The following ENTREP2 variants were observed in gnomAD, a reference collection of about 807,000 sequenced individuals.
The protein encoded by ENTREP2 is protein ENTREP2.
chr15:29,129,689 A>C, the ENTREP2 span, among the ~76,000 whole-genome samples: 1 of 152,018 alleles, frequency 6.6e-6, no homozygotes, highest in Non-Finnish European at 1.5e-5. Flanking sequence ...TTCCGCCTGG[A>C]GAGGCCTCAG....
At chr15:29,129,864 A>G in the ENTREP2 span, among the ~76,000 whole-genome samples, 1 of 152,184 alleles carries the variant, frequency 6.6e-6, no homozygotes, top group South Asian at 2.1e-4. Flanking sequence ...CATGCACCCC[A>G]TGCTACCTCA....
At chr15:29,465,726 T>C in the ENTREP2 span, among the ~76,000 whole-genome samples, 3 of 152,208 alleles carry the variant, frequency 2.0e-5, no homozygotes, top group Non-Finnish European at 2.9e-5. Flanking sequence ...ATTAGTTCTT[T>C]GGGATGACAG....
At chr15:29,668,020 C>T in the ENTREP2 span, among the ~76,000 whole-genome samples, 1 of 152,078 alleles carries the variant, frequency 6.6e-6, no homozygotes, top group Admixed American at 6.6e-5. Context: ...AGAGAAGACA[C>T]CCATTGCTCC....
the ENTREP2 span, among the ~76,000 whole-genome samples, chr15:29,275,969 G>A: frequency 1.3e-5 from 2 of 152,176 alleles, no homozygotes; most frequent in East Asian, 3.9e-4. Flanking sequence ...TAGACAGCAG[G>A]AAAAGCAATC....
chr15:29,133,723 G>A, the ENTREP2 span, among the ~76,000 whole-genome samples: 1 of 152,172 alleles, frequency 6.6e-6, no homozygotes, highest in African/African-American at 2.4e-5. Context: ...CTGCAATGGT[G>A]TCATTCTGTG....
At chr15:29,431,518 T>TTA in the ENTREP2 span, among the ~76,000 whole-genome samples, 1 of 152,028 alleles carries the variant, frequency 6.6e-6, no homozygotes, top group Non-Finnish European at 1.5e-5. Context: ...AGACATGCTT[T>TTA]TAGCAAAAAT....
the ENTREP2 span, chr15:29,611,161 G>A: frequency 1.3e-5 from 2 of 152,074 alleles, no homozygotes; most frequent in African/African-American, 4.8e-5. Flanking sequence ...CACTTCCTGG[G>A]GCTTCTTCTG....
the ENTREP2 span, among the ~76,000 whole-genome samples, chr15:29,439,453 A>G: frequency 1.4e-4 from 22 of 152,312 alleles, no homozygotes; most frequent in East Asian, 1.9e-3. Flanking sequence ...ATAAATAGAC[A>G]GGAGTCCATA....
the ENTREP2 span, among the ~76,000 whole-genome samples, chr15:29,644,142 T>C: frequency 6.6e-6 from 1 of 152,162 alleles, no homozygotes; most frequent in Non-Finnish European, 1.5e-5. Context: ...TCAGCAGGAA[T>C]GAACCCTGGA....
At chr15:29,131,753 A>G in the ENTREP2 span, among the ~76,000 whole-genome samples, 18 of 138,642 alleles carry the variant, frequency 1.3e-4, no homozygotes, top group East Asian at 6.5e-4. Context: ...GTGCCACGAC[A>G]GGGGGATTCT....
the ENTREP2 span, among the ~76,000 whole-genome samples, chr15:29,185,079 C>CAA: frequency 1.1e-4 from 12 of 108,110 alleles, no homozygotes; most frequent in African/African-American, 3.4e-4. Context: ...GACTCTGTCT[C>CAA]AAAAAAAAAA....
At chr15:29,239,960 C>T in the ENTREP2 span, among the ~76,000 whole-genome samples, 7 of 152,156 alleles carry the variant, frequency 4.6e-5, no homozygotes, top group Non-Finnish European at 7.3e-5. Flanking sequence ...TCCTTCCCTC[C>T]GCTGTCGGGT....
chr15:29,298,117 G>C, the ENTREP2 span, among the ~76,000 whole-genome samples: 1 of 152,090 alleles, frequency 6.6e-6, no homozygotes, highest in Non-Finnish European at 1.5e-5. Context: ...AAAGATACTA[G>C]AAAACCTATG....
chr15:29,462,076 G>A, the ENTREP2 span, among the ~76,000 whole-genome samples: 2,157 of 152,232 alleles, frequency 0.014, 26 homozygotes, highest in Middle Eastern at 0.041. Context: ...GCATGTGTCA[G>A]AATCTCCTTC....
the ENTREP2 span, among the ~76,000 whole-genome samples, chr15:29,134,297 T>G: frequency 1.3e-5 from 2 of 152,342 alleles, no homozygotes; most frequent in East Asian, 3.9e-4. Context: ...CATGCCCACC[T>G]CCTGACTAAA....
At chr15:29,283,106 A>G in the ENTREP2 span, among the ~76,000 whole-genome samples, 1 of 152,202 alleles carries the variant, frequency 6.6e-6, no homozygotes, top group African/African-American at 2.4e-5. Flanking sequence ...GGCAGACCCC[A>G]GGGTGAGAAG....
the ENTREP2 span, among the ~76,000 whole-genome samples, chr15:29,354,650 G>A: frequency 6.6e-6 from 1 of 152,018 alleles, no homozygotes; most frequent in Non-Finnish European, 1.5e-5. Flanking sequence ...AACAGACACT[G>A]TCTCTATGAA....
At chr15:29,370,761 C>A in the ENTREP2 span, among the ~76,000 whole-genome samples, 1 of 152,070 alleles carries the variant, frequency 6.6e-6, no homozygotes, top group African/African-American at 2.4e-5. Context: ...AGACACGGGC[C>A]TAGAGTGTGA....
the ENTREP2 span, among the ~76,000 whole-genome samples, chr15:29,259,572 C>T: frequency 6.6e-6 from 1 of 152,178 alleles, no homozygotes; most frequent in East Asian, 1.9e-4. Context: ...ATGGGTTTCA[C>T]ACAGGCCAAT....
Sources: allele counts gnomAD v4.1 joint callset (sites outside exome capture counted in the v4.1 genomes callset), GRCh38; gene constraint gnomAD v4.1.1; transcripts MANE v1.5; gene names NCBI Gene and HGNC (gene_info 2026-07-23, HGNC 2026-07-21).